SAMD8: variants seen among roughly 807,000 people sequenced by gnomAD.
SAMD8 encodes the protein sterile alpha motif domain containing 8.
SAMD8 carries 20 observed loss-of-function variants against 42.0 expected under a neutral mutation model. That is an observed-to-expected ratio of 0.48 (90% CI 0.34 to 0.69). The LOEUF (loss-of-function observed/expected upper bound fraction) is 0.69, where lower values mean the gene tolerates loss of function less well. Ranked by LOEUF, SAMD8 falls within the 30% of genes least tolerant of loss-of-function variation. The pLI, the probability that SAMD8 is intolerant of heterozygous loss-of-function variation, is 0.01. For missense variants in SAMD8, 328 were observed against 511.6 expected, an observed-to-expected ratio of 0.64 and a Z score of 3.46; for synonymous variants, 162 against 173.0, an observed-to-expected ratio of 0.94 and a Z score of 0.50.
chr10:75,175,663 C>G (rs1670113529), intron 4 of SAMD8, among the ~76,000 whole-genome samples: 1 of 152,108 alleles, frequency 6.6e-6, no homozygotes, highest in African/African-American at 2.4e-5. Context: ...ATTCTCCTGC[C>G]TTAGCCTCCC....
At chr10:75,165,723 C>T (rs1026948196) in intron 3 of SAMD8, among the ~76,000 whole-genome samples, 1 of 151,380 alleles carries the variant, frequency 6.6e-6, no homozygotes, top group Non-Finnish European at 1.5e-5. Flanking sequence ...TGCCTGTAAC[C>T]CCAGTACTTT....
chr10:75,148,603 T>A (rs1240893379), intron 1 of SAMD8, among the ~76,000 whole-genome samples: 2 of 152,194 alleles, frequency 1.3e-5, no homozygotes, highest in African/African-American at 4.8e-5. Flanking sequence ...TCCACCCGCC[T>A]CGGCCTCCCA....
At chr10:75,141,923 C>T (rs747207051) in intron 1 of SAMD8, among the ~76,000 whole-genome samples, 14 of 151,604 alleles carry the variant, frequency 9.2e-5, no homozygotes, top group Non-Finnish European at 2.1e-4. Context: ...GACGGTCTTG[C>T]CTTGCATCTT....
At chr10:75,163,030 G>A (rs1183982432) in intron 2 of SAMD8, among the ~76,000 whole-genome samples, 1 of 151,358 alleles carries the variant, frequency 6.6e-6, no homozygotes, top group Non-Finnish European at 1.5e-5. Context: ...GGTTCAAGCA[G>A]TTCTCTGCCT....
intron 1 of SAMD8, among the ~76,000 whole-genome samples, chr10:75,120,774 CTTTTTTTTTTT>C (rs111866437): frequency 4.9e-3 from 391 of 80,210 alleles, no homozygotes; most frequent in African/African-American, 0.019. Context: ...TAATTTCCAT[CTTTTTTTTTTT>C]TTTTTTTTTT....
intron 1 of SAMD8, among the ~76,000 whole-genome samples, chr10:75,122,458 A>G (rs148456747): frequency 1.5e-3 from 229 of 152,170 alleles, no homozygotes; most frequent in African/African-American, 4.9e-3. Flanking sequence ...GAAAAAAAAT[A>G]GAAAAATTAG....
chr10:75,147,299 T>A (rs1422348378), intron 1 of SAMD8, among the ~76,000 whole-genome samples: 2 of 152,170 alleles, frequency 1.3e-5, no homozygotes, highest in African/African-American at 4.8e-5. Flanking sequence ...ATAATGTGAC[T>A]GAAGAAATCT....
intron 4 of SAMD8, among the ~76,000 whole-genome samples, chr10:75,174,214 C>T (rs540473581): frequency 1.3e-5 from 2 of 152,122 alleles, no homozygotes; most frequent in African/African-American, 4.8e-5. Flanking sequence ...ACTGCAAGCT[C>T]CACCTACCGG....
chr10:75,176,472 A>G lies in SAMD8; in HGVS notation c.1028A>G (p.Glu343Gly). The G allele has an allele frequency of 6.4e-7, 1 of 1,551,376 alleles. No homozygotes were observed. The highest frequency in any genetic ancestry group is 8.7e-7 in the Non-Finnish European group (1 of 1,147,152). Residue 343 changes from glutamate (E) to glycine (G), a missense_variant, in exon 6 of 6, where the codon GAA (glutamate) becomes GGA (glycine). Transcript: ENST00000542569. This position sits in a 1 kb window ranked among gnomAD's most constrained non-coding sequence, Gnocchi z 4.3. ...FGIFFILAAH[E>G]HYSIDVFIAF... Reference sequence around the variant, plus strand: ...ATCTTCTTCATCTTGGCTGCCCATGAACATTATTCTATTGATGTGTTTATT... The same window carrying G: ...ATCTTCTTCATCTTGGCTGCCCATGGACATTATTCTATTGATGTGTTTATT...
chr10:75,100,426 C>G (rs529544747), intron 1 of SAMD8, among the ~76,000 whole-genome samples: 1 of 152,214 alleles, frequency 6.6e-6, no homozygotes, highest in Non-Finnish European at 1.5e-5. Context: ...GCCACCCCCC[C>G]AGGGACTCGT....
chr10:75,164,593 C>A, intron 2 of SAMD8, 52 bp from the exon 3 acceptor site: 1 of 1,576,500 alleles, frequency 6.3e-7, no homozygotes, highest in Non-Finnish European at 8.7e-7. Context: ...AAAAGGGTGG[C>A]ATCATTCACA....
chr10:75,146,623 G>A (rs1840143305), intron 1 of SAMD8, among the ~76,000 whole-genome samples: 1 of 151,978 alleles, frequency 6.6e-6, no homozygotes, highest in Non-Finnish European at 1.5e-5. Flanking sequence ...TTTGTTTTTT[G>A]GTTGTTTCAG....
At chr10:75,151,201 G>A in intron 2 of SAMD8, 95 bp downstream of exon 2, 2 of 628,014 alleles carry the variant, frequency 3.2e-6, no homozygotes, top group Non-Finnish European at 5.0e-6. Context: ...TTCTTATTGT[G>A]GTAGATGTAT....
Position 75,176,295 on chromosome 10 carries a change from T to G in SAMD8, c.943+79T>G. ...GCTGTGGGAAGGGTGTCAGATCCTG[T>G]GAAGAATGGCAAAACAGCCTGACCT... On this transcript the variant is annotated intron_variant, in intron 5 of 5. Transcript: ENST00000542569. This position sits in a 1 kb window ranked among gnomAD's most constrained non-coding sequence, Gnocchi z 4.3. 6.2e-7 allele frequency: 1 copy of G among 1,608,592 alleles called. No individual in the cohort carries two copies. The highest frequency in any genetic ancestry group is 1.7e-4 in the Middle Eastern group (1 of 6,026).
At chr10:75,152,446 C>T (rs1258319226) in intron 2 of SAMD8, among the ~76,000 whole-genome samples, 1 of 145,874 alleles carries the variant, frequency 6.9e-6, no homozygotes, top group Admixed American at 7.0e-5. Context: ...GGCGTGAACC[C>T]GGGAGGCGGA....
At chr10:75,157,016 C>A (rs907802243) in intron 2 of SAMD8, among the ~76,000 whole-genome samples, 16 of 151,956 alleles carry the variant, frequency 1.1e-4, no homozygotes, top group African/African-American at 3.9e-4. Context: ...GTCATAATGT[C>A]TGCAACTTAC....
chr10:75,114,400 C>G (rs1377378879), intron 1 of SAMD8, among the ~76,000 whole-genome samples: 11 of 151,920 alleles, frequency 7.2e-5, no homozygotes, highest in Non-Finnish European at 1.2e-4. Flanking sequence ...GCAGAATATG[C>G]AGACATATTT....
At position 75,168,493 on chromosome 10, in the gene SAMD8, G is replaced by T. The variant is rs1186793296; in HGVS notation, c.675-48G>T. On this transcript the variant is annotated intron_variant, in intron 3 of 5. Coordinates refer to ENST00000542569, the MANE Select transcript of SAMD8 (RefSeq NM_001174156.2). The stretch of plus-strand genomic sequence containing the variant: ...AAATATTTGATGCCTGGGGTTTTTT[G>T]GTTTGTTTTCTTCTGATCTTTCCCC... 5 of 1,589,768 alleles carry T rather than the reference G, an allele frequency of 3.1e-6. No homozygotes were observed. In the Admixed American group the frequency reaches 5.3e-5, roughly 17 times the overall value.
chr10:75,112,123 C>A (rs1195319423), intron 1 of SAMD8, among the ~76,000 whole-genome samples: 1 of 152,112 alleles, frequency 6.6e-6, no homozygotes, highest in Non-Finnish European at 1.5e-5. Context: ...AGACCTGGGC[C>A]GGTGTTCCCT....
Sources: allele counts gnomAD v4.1 joint callset (sites outside exome capture counted in the v4.1 genomes callset), GRCh38; gene constraint gnomAD v4.1.1; non-coding constraint Gnocchi (gnomAD v3.1); transcripts MANE v1.5; gene names NCBI Gene and HGNC (gene_info 2026-07-23, HGNC 2026-07-21).